The following LCP1 variants were observed in gnomAD, a reference collection of about 807,000 sequenced individuals.
LCP1 encodes the protein plastin-2.
A neutral mutation model predicts 72.0 loss-of-function variants in LCP1; 23 were observed. The observed-to-expected ratio is 0.32, with a 90% CI of 0.23 to 0.45. The LOEUF (loss-of-function observed/expected upper bound fraction) is 0.45, where lower values mean the gene tolerates loss of function less well. Ranked by LOEUF, LCP1 falls within the 20% of genes least tolerant of loss-of-function variation. The pLI, the probability that LCP1 is intolerant of heterozygous loss-of-function variation, is 1.00. For missense variants in LCP1, 571 were observed against 748.3 expected (o/e 0.76, Z 2.76); for synonymous variants, 245 against 275.4 (o/e 0.89, Z 1.09).
chr13:46,178,838 TAA>T (rs1215622554), intron 1 of LCP1, among the ~76,000 whole-genome samples: 1 of 152,244 alleles, frequency 6.6e-6, no homozygotes, highest in Non-Finnish European at 1.5e-5. Context: ...TCTTATTTTA[TAA>T]GTGTTTGACT....
chr13:46,134,368 C>A, intron 13 of LCP1, 118 bp from the exon 14 acceptor site: 3 of 802,176 alleles, frequency 3.7e-6, no homozygotes, highest in East Asian at 2.6e-5. Context: ...GTCTGGACAC[C>A]ATTACATTTG....
intron 4 of LCP1, among the ~76,000 whole-genome samples, chr13:46,156,922 G>A (rs937752298): frequency 1.3e-5 from 2 of 150,476 alleles, no homozygotes; most frequent in East Asian, 2.0e-4. Context: ...CCTGGTTCAC[G>A]CCATTCTCCT....
intron 7 of LCP1, among the ~76,000 whole-genome samples, chr13:46,151,372 A>G (rs568930895): frequency 2.0e-5 from 3 of 152,262 alleles, no homozygotes; most frequent in Non-Finnish European, 4.4e-5. Context: ...AAAAATAACC[A>G]AGGCTACTGG....
At chr13:46,130,700 A>G in intron 15 of LCP1, 114 bp downstream of exon 15, 1 of 1,293,902 alleles carries the variant, frequency 7.7e-7, no homozygotes. Flanking sequence ...AAGGAAAAGC[A>G]CGGATAGTGA....
In LCP1 at chr13:46,127,479, T is replaced by G. The variant is rs190574358; in HGVS notation, c.*112A>C. ...CTGCACTAATATGTGCTTTTTGGAATCTTATAGAGTGTCACCAAGTTGAAC... is the reference window on the plus strand; with the variant it reads ...CTGCACTAATATGTGCTTTTTGGAAGCTTATAGAGTGTCACCAAGTTGAAC... On this transcript the variant is annotated 3_prime_UTR_variant, in exon 16 of 16. Transcript: ENST00000323076. 2,485 of 1,362,810 alleles carry G rather than the reference T, an allele frequency of 1.8e-3. 4 individuals carry two copies. The highest frequency in any genetic ancestry group is 2.3e-3 in the Non-Finnish European group (2,305 of 994,770). 84.4% of individuals were successfully genotyped at this position (1,362,810 alleles called of 1,614,324 possible). A position where few individuals can be genotyped will look rare whatever the true frequency, so the allele number is the denominator to read the frequency against.
At position 46,128,003 on chromosome 13, in the gene LCP1, G is replaced by GTT. The variant is rs11398954; in HGVS notation, c.1752-282_1752-281dup. Among the ~76,000 whole-genome samples the GTT allele has an allele frequency of 1.7e-3, 214 of 126,976 alleles. 1 individual carries two copies. The highest frequency in any genetic ancestry group is 6.0e-3 in the African/African-American group (199 of 33,348). 83.3% of individuals were successfully genotyped at this position (126,976 alleles called of 152,430 possible). A position where few individuals can be genotyped will look rare whatever the true frequency, so the allele number is the denominator to read the frequency against. On this transcript the variant is annotated intron_variant, in intron 15 of 15. Coordinates refer to ENST00000323076, the MANE Select transcript of LCP1 (RefSeq NM_002298.5). ...AGCTCCTGCCTTTTTTTTAAGTTAAGTTTTTTTTTTTTTTTTTGTAGAGAC... is the reference window on the plus strand; with the variant it reads ...AGCTCCTGCCTTTTTTTTAAGTTAAGTTTTTTTTTTTTTTTTTTTGTAGAGAC...
At chr13:46,171,040 T>G (rs1435034505) in intron 1 of LCP1, among the ~76,000 whole-genome samples, 1 of 152,238 alleles carries the variant, frequency 6.6e-6, no homozygotes, top group Non-Finnish European at 1.5e-5. Flanking sequence ...CCTATCTATT[T>G]GGAGTCAGAG....
chr13:46,163,084 C>A (rs1328161843), intron 1 of LCP1, among the ~76,000 whole-genome samples: 1 of 151,920 alleles, frequency 6.6e-6, no homozygotes, highest in Non-Finnish European at 1.5e-5. Flanking sequence ...CCTGCCGCCC[C>A]TTCTGAGAAG....
At chr13:46,145,832 C>CT (rs2045726704) in intron 10 of LCP1, among the ~76,000 whole-genome samples, 1 of 94,896 alleles carries the variant, frequency 1.1e-5, no homozygotes, top group African/African-American at 5.4e-5. Flanking sequence ...TGGCGTGAAC[C>CT]CGGGAGGCGG....
intron 15 of LCP1, among the ~76,000 whole-genome samples, chr13:46,128,321 A>G (rs946738287): frequency 1.3e-5 from 2 of 152,190 alleles, no homozygotes; most frequent in South Asian, 4.2e-4. Flanking sequence ...GACCTTGGCC[A>G]GGCGCGGTGG....
chr13:46,168,678 C>T (rs528324161), intron 1 of LCP1, among the ~76,000 whole-genome samples: 1 of 152,212 alleles, frequency 6.6e-6, no homozygotes, highest in Non-Finnish European at 1.5e-5. Flanking sequence ...GGTACTCAAA[C>T]TGTCCCAGAA....
intron 13 of LCP1, among the ~76,000 whole-genome samples, chr13:46,139,755 C>T (rs2045686175): frequency 6.6e-6 from 1 of 152,104 alleles, no homozygotes; most frequent in South Asian, 2.1e-4. Flanking sequence ...AATTTATTTT[C>T]TATTTGTGTA....
rs540149431 is a variant in LCP1 at position 46,130,966 on chromosome 13, T to A, written c.1627-28A>T. 38 of 1,557,772 alleles carry A rather than the reference T, an allele frequency of 2.4e-5. No individual in the cohort carries two copies. The African/African-American group carries it at 4.7e-4, about 19-fold the overall frequency. On this transcript the variant is annotated intron_variant, in intron 14 of 15. Transcript: ENST00000323076. ...ATGCAGAGACACAGGGAGGGTTTCA[T>A]CAACGTGTCCCAAAGTTACTCCCAT...
At position 46,144,464 on chromosome 13, in the gene LCP1, G is replaced by A; in HGVS notation, c.1231C>T (p.Pro411Ser). 1.2e-6 allele frequency: 2 copies of A among 1,613,694 alleles called. No individual in the cohort carries two copies. The highest frequency in any genetic ancestry group is 1.7e-6 in the Non-Finnish European group (2 of 1,179,604). The stretch of plus-strand genomic sequence containing the variant: ...TACCTGTACAAATGATTGACTCGAG[G>A]GTTAACACCCAGGGAGTTCATCCAG... ...RNWMNSLGVN[P>S]RVNHLYSDLS... Residue 411 changes from proline (P) to serine (S), a missense_variant, in exon 11 of 16, where the codon CCT becomes TCT. Pro to Ser is a moderately conservative substitution (Grantham distance 74). Transcript: ENST00000323076.
chr13:46,165,373 C>CAAAAACAAAAA (rs2045870574), intron 1 of LCP1, among the ~76,000 whole-genome samples: 2 of 146,102 alleles, frequency 1.4e-5, no homozygotes, highest in African/African-American at 5.1e-5. Context: ...GACCCCATTT[C>CAAAAACAAAAA]AAAAACAAAA....
At position 46,175,024 on chromosome 13, in the gene LCP1, A is replaced by G. The variant is rs17067804; in HGVS notation, c.-25+7087T>C. Among the ~76,000 whole-genome samples, 1,092 of 152,266 alleles carry G rather than the reference A, an allele frequency of 7.2e-3. 14 individuals are homozygous for G. The highest frequency in any genetic ancestry group is 0.025 in the African/African-American group (1,021 of 41,534). On this transcript the variant is annotated intron_variant, in intron 1 of 15. Coordinates refer to ENST00000323076, the MANE Select transcript of LCP1 (RefSeq NM_002298.5). Reference sequence around the variant, plus strand: ...AGAAACTGCCAACATAAAATGAGAGAGAGGAAAGGTGTGAATCTTGACTCT... The same window carrying G: ...AGAAACTGCCAACATAAAATGAGAGGGAGGAAAGGTGTGAATCTTGACTCT...
At chr13:46,154,715 TCTGAGCCC>T in intron 6 of LCP1, 82 bp downstream of exon 6, 1 of 1,038,266 alleles carries the variant, frequency 9.6e-7, no homozygotes, top group Non-Finnish European at 1.5e-6. Context: ...GCGAATGATG[TCTGAGCCC>T]CTGAAAAAGG....
At chr13:46,142,720 A>T (rs899715860) in intron 12 of LCP1, 7 of 513,824 alleles carry the variant, frequency 1.4e-5, no homozygotes, top group African/African-American at 1.1e-4. Flanking sequence ...ATCCTTAATT[A>T]CCTACATGTA....
chr13:46,147,210 ATC>A, intron 9 of LCP1, 107 bp from the exon 10 acceptor site: 1 of 970,038 alleles, frequency 1.0e-6, no homozygotes, highest in Non-Finnish European at 1.5e-6. Context: ...ATTAGTGTTT[ATC>A]TCAGGCAGAC....
Sources: gnomAD v4.1 joint callset for allele counts (sites outside exome capture counted in the v4.1 genomes callset) on GRCh38, gnomAD v4.1.1 for gene constraint, MANE v1.5 for transcripts, NCBI Gene and HGNC (gene_info 2026-07-23, HGNC 2026-07-21) for gene names.